The following DNMT1 variants were observed in gnomAD, a reference collection of about 807,000 sequenced individuals.
The protein encoded by DNMT1 is DNA methyltransferase 1.
DNMT1 carries 24 observed loss-of-function variants against 205.3 expected under a neutral mutation model. That is an observed-to-expected ratio of 0.12 (90% CI 0.08 to 0.16). DNMT1 has a LOEUF of 0.16. DNMT1 is among the 10% of genes least tolerant of loss of function. The pLI, the probability that DNMT1 is intolerant of heterozygous loss-of-function variation, is 1.00. For missense variants in DNMT1, 1,293 were observed against 2,177.7 expected, an observed-to-expected ratio of 0.59 and a Z score of 8.09; for synonymous variants, 817 against 839.8, an observed-to-expected ratio of 0.97 and a Z score of 0.47.
At chr19:10,163,686 T>C (rs1436496643) in intron 11 of DNMT1, among the ~76,000 whole-genome samples, 2 of 152,204 alleles carry the variant, frequency 1.3e-5, no homozygotes, top group Non-Finnish European at 2.9e-5. Flanking sequence ...ATCTCTGCTA[T>C]GGTAGCACAA....
chr19:10,189,419 C>G (rs910419796), intron 1 of DNMT1, among the ~76,000 whole-genome samples: 5 of 146,504 alleles, frequency 3.4e-5, no homozygotes, highest in African/African-American at 1.3e-4. Context: ...CCACGCCCAG[C>G]TGATTTTTTT....
In DNMT1 at chr19:10,173,096, A is replaced by T. The variant is rs1435887591; in HGVS notation, c.762T>A (p.Asp254Glu). 1.7e-5 allele frequency: 28 copies of T among 1,613,986 alleles called. No individual in the cohort carries two copies. The highest frequency in any genetic ancestry group is 4.0e-5 in the African/African-American group (3 of 74,910). The stretch of plus-strand genomic sequence containing the variant: ...AGAGGTGATAGAGCTTTACTTTTTC[A>T]TCTCTTTCTTCTTCCTTTTCAGTGC... ...GTRTEKEEERDEKEEKRLRSQ... is the reference protein window; with the variant it reads ...GTRTEKEEEREEKEEKRLRSQ... Residue 254 changes from aspartate to glutamate, a missense_variant, in exon 9 of 41, where the codon GAT (aspartate) becomes GAA (glutamate). This residue lies in a region of DNMT1 where 394 missense variants were observed against 451.6 expected (regional missense o/e 0.87). Coordinates refer to ENST00000359526, the MANE Select transcript of DNMT1 (RefSeq NM_001130823.3).
intron 1 of DNMT1, chr19:10,184,615 C>T (rs556398327): frequency 4.6e-5 from 7 of 152,252 alleles, no homozygotes; most frequent in African/African-American, 1.4e-4. Flanking sequence ...GAGTTCGAGT[C>T]CAGCCTGGAC....
chr19:10,150,923 C>G (rs2038328827), intron 24 of DNMT1, among the ~76,000 whole-genome samples: 1 of 152,102 alleles, frequency 6.6e-6, no homozygotes, highest in African/African-American at 2.4e-5. Context: ...GAAACCCCGT[C>G]TCTACTAAAA....
In DNMT1 at chr19:10,151,928, G is replaced by T; in HGVS notation, c.2020-81C>A. On this transcript the variant is annotated intron_variant, in intron 22 of 40. Transcript: ENST00000359526. This position sits in a 1 kb window ranked among gnomAD's most constrained non-coding sequence, Gnocchi z 5.0. ...TAATCCCAGTATTTCAGAAGGCCGA[G>T]GCAGGCAGATCACTTAAGGTCAGGA... The T allele has an allele frequency of 1.5e-6, 2 of 1,374,006 alleles. No homozygotes were observed. The highest frequency in any genetic ancestry group is 1.0e-6 in the Non-Finnish European group (1 of 965,630). 85.1% of individuals were successfully genotyped at this position (1,374,006 alleles called of 1,614,324 possible).
intron 24 of DNMT1, among the ~76,000 whole-genome samples, chr19:10,150,585 T>C (rs1308367838): frequency 6.6e-6 from 1 of 152,192 alleles, no homozygotes; most frequent in Admixed American, 6.5e-5. Context: ...AGCCAGCAGG[T>C]GGCAAGCCTC....
In DNMT1 at chr19:10,154,783, G is replaced by T. The variant is rs752563425; in HGVS notation, c.1645-10C>A. 3.2e-5 allele frequency: 52 copies of T among 1,614,110 alleles called. No individual in the cohort carries two copies. Among genetic ancestry groups the T allele is most frequent in the Non-Finnish European group, 3.8e-5 (45 of 1,180,058 alleles). On this transcript the variant is annotated splice_polypyrimidine_tract_variant and intron_variant, in intron 20 of 40. Transcript: ENST00000359526. This position sits in a 1 kb window ranked among gnomAD's most constrained non-coding sequence, Gnocchi z 6.3. ...AAGGAGGAACCGTGGTCTTGAAAGA[G>T]AACAGGTTTCTCTCATGCTTAAGCC... is the stretch of plus-strand genomic sequence containing the variant.
Position 10,148,881 on chromosome 19 carries a change from C to T in DNMT1, c.2720+3G>A. ...TGACCCCGAGTCCAGCCCCAGTGCT[C>T]ACTTGAACTTGTTGTCCTCTGTTGG... On this transcript the variant is annotated splice_donor_region_variant and intron_variant, in intron 27 of 40. Transcript: ENST00000359526. The T allele has an allele frequency of 1.9e-6, 3 of 1,614,172 alleles. No homozygotes were observed. The highest frequency in any genetic ancestry group is 2.2e-5 in the South Asian group (2 of 91,084).
intron 22 of DNMT1, among the ~76,000 whole-genome samples, chr19:10,152,446 T>C (rs2038367531): frequency 1.3e-5 from 2 of 151,048 alleles, no homozygotes; most frequent in Non-Finnish European, 2.9e-5. Context: ...GGGCAACATA[T>C]TAAGACCCCC....
At chr19:10,184,041 G>A (rs896252680) in intron 1 of DNMT1, among the ~76,000 whole-genome samples, 1 of 152,178 alleles carries the variant, frequency 6.6e-6, no homozygotes, top group African/African-American at 2.4e-5. Context: ...GAGACAGAGT[G>A]AGACCCTGAC....
chr19:10,185,081 T>G (rs1024357761), intron 1 of DNMT1, among the ~76,000 whole-genome samples: 5 of 152,158 alleles, frequency 3.3e-5, no homozygotes, highest in Admixed American at 2.6e-4. Context: ...AGTGATTAGA[T>G]GTAGGTGTCA....
Position 10,134,357 on chromosome 19 carries a change from G to A in DNMT1, c.4774-50C>T, listed in dbSNP as rs371481428. On this transcript the variant is annotated intron_variant, in intron 39 of 40. Coordinates refer to ENST00000359526, the MANE Select transcript of DNMT1 (RefSeq NM_001130823.3). ...CCTGATGTGGACACCCAGGCCCAAG[G>A]CCCGGGGGCAGGTGTACTGCCAGCC... The A allele has an allele frequency of 5.4e-5, 85 of 1,572,906 alleles. No homozygotes were observed. The African/African-American group carries it at 1.1e-3, about 20-fold the overall frequency.
chr19:10,149,031 A>T lies in DNMT1; in HGVS notation c.2587-14T>A. On this transcript the variant is annotated splice_polypyrimidine_tract_variant and intron_variant, in intron 26 of 40. Coordinates refer to ENST00000359526, the MANE Select transcript of DNMT1 (RefSeq NM_001130823.3). ...ATCCATGCCTCCCTTGGGAGATAAG[A>T]ATGCGTGTCAGGCCAGGCGCAGTGG... The T allele has an allele frequency of 6.2e-7, 1 of 1,613,814 alleles. No individual in the cohort carries two copies. Among genetic ancestry groups the T allele is most frequent in the Non-Finnish European group, 8.5e-7 (1 of 1,179,954 alleles).
intron 29 of DNMT1, 122 bp downstream of exon 29, chr19:10,143,644 G>C: frequency 8.8e-7 from 1 of 1,137,048 alleles, no homozygotes; most frequent in South Asian, 1.2e-5. Flanking sequence ...GAAACACTTG[G>C]AAAAACAGCT....
At position 10,136,656 on chromosome 19, in the gene DNMT1, G is replaced by C. The variant is rs145207140; in HGVS notation, c.4490-369C>G. Among the ~76,000 whole-genome samples the C allele has an allele frequency of 2.0e-3, 300 of 152,194 alleles. 3 individuals are homozygous for C. Among genetic ancestry groups the C allele is most frequent in the Middle Eastern group, 0.017 (5 of 292 alleles). ...TCACCATGTTGGGCAGGCTGATCTC[G>C]AGCTCCTGATCTCAAGTGATCTGCC... On this transcript the variant is annotated intron_variant, in intron 37 of 40. Transcript: ENST00000359526.
chr19:10,143,678 A>G, intron 29 of DNMT1, 88 bp downstream of exon 29: 1 of 1,459,846 alleles, frequency 6.9e-7, no homozygotes, highest in East Asian at 2.3e-5. Context: ...TCTTAGAACA[A>G]CTGTGGGTGC....
intron 12 of DNMT1, chr19:10,163,116 C>A: frequency 1.6e-6 from 1 of 629,288 alleles, no homozygotes; most frequent in Non-Finnish European, 2.8e-6. Context: ...CACCCGCCAC[C>A]ACACCCAGCT....
At chr19:10,150,049 A>G in intron 24 of DNMT1, 81 bp from the exon 25 acceptor site, 1 of 1,193,942 alleles carries the variant, frequency 8.4e-7, no homozygotes, top group Non-Finnish European at 1.3e-6. Context: ...TCTGTTACTT[A>G]AAGTAAGACA....
intron 9 of DNMT1, among the ~76,000 whole-genome samples, chr19:10,172,523 GTTGA>G (rs1349008483): frequency 5.3e-5 from 8 of 151,756 alleles, no homozygotes; most frequent in East Asian, 1.9e-4. Context: ...TCTGTGACTA[GTTGA>G]TTAAGTGGCA....
Sources: gnomAD v4.1 joint callset for allele counts (sites outside exome capture counted in the v4.1 genomes callset) on GRCh38, gnomAD v4.1.1 for gene constraint, gnomAD v4.1.1 regional missense constraint, Gnocchi (gnomAD v3.1) non-coding constraint, MANE v1.5 for transcripts, NCBI Gene and HGNC (gene_info 2026-07-23, HGNC 2026-07-21) for gene names.